BLK: variants seen among roughly 807,000 people sequenced by gnomAD.
The protein encoded by BLK is tyrosine-protein kinase Blk.
In BLK, 64 loss-of-function variants were observed where a neutral mutation model predicts 61.8. The observed-to-expected ratio is 1.03, with a 90% CI of 0.85 to 1.27. BLK has a LOEUF of 1.27. BLK is among the 50% of genes most tolerant of loss of function. The probability of loss-of-function intolerance (pLI) is 0.00; values close to 1 mark genes in which losing one functional copy is unlikely to be tolerated. For missense variants in BLK, 853 were observed against 660.5 expected, an observed-to-expected ratio of 1.29 and a Z score of -3.19; for synonymous variants, 351 against 272.0, an observed-to-expected ratio of 1.29 and a Z score of -2.86.
intron 1 of BLK, among the ~76,000 whole-genome samples, chr8:11,526,598 C>T (rs1018303467): frequency 1.3e-5 from 2 of 152,092 alleles, no homozygotes; most frequent in Non-Finnish European, 2.9e-5. Context: ...ACATGCCTGT[C>T]GTCCCAGCTA....
intron 1 of BLK, among the ~76,000 whole-genome samples, chr8:11,528,813 AGGTGGAAGG>A (rs147081341): frequency 0.017 from 2,598 of 152,298 alleles, 44 homozygotes; most frequent in African/African-American, 0.045. Context: ...AAGTGGATGG[AGGTGGAAGG>A]CATTATCCTC....
chr8:11,554,691 G>GT (rs1801104299), intron 6 of BLK, 52 bp from the exon 7 acceptor site: 5 of 1,605,068 alleles, frequency 3.1e-6, no homozygotes, highest in African/African-American at 2.7e-5. Context: ...TCCCAGTCCC[G>GT]TTTTTTGTCT....
chr8:11,502,285 GT>G (rs201804111), intron 1 of BLK, among the ~76,000 whole-genome samples: 32 of 151,226 alleles, frequency 2.1e-4, no homozygotes, highest in African/African-American at 3.2e-4. Context: ...ATTTTATATA[GT>G]TTTTTTTTCT....
intron 1 of BLK, among the ~76,000 whole-genome samples, chr8:11,518,426 G>T (rs531837136): frequency 6.6e-6 from 1 of 152,306 alleles, no homozygotes; most frequent in South Asian, 2.1e-4. Context: ...ACTGTAGGTG[G>T]ATTGGTGGGG....
At position 11,564,538 on chromosome 8, in the gene BLK, C is replaced by G. The variant is rs1457887503; in HGVS notation, c.*430C>G. On this transcript the variant is annotated 3_prime_UTR_variant, in exon 13 of 13. Coordinates refer to ENST00000259089, the MANE Select transcript of BLK (RefSeq NM_001715.3). ...TCCCGCGGACGCCAGCAGGGGCAGC[C>G]CCAGCCTAGGCTGCGCTCCAGCACT... 1 of 474,534 alleles carries G rather than the reference C, an allele frequency of 2.1e-6. No individual in the cohort carries two copies. The highest frequency in any genetic ancestry group is 2.3e-5 in the Admixed American group (1 of 42,944). 29.4% of individuals were successfully genotyped at this position (474,534 alleles called of 1,614,324 possible).
Position 11,555,411 on chromosome 8 carries a change from A to G in BLK, c.699A>G (p.Glu233=), listed in dbSNP as rs757191370. Residue 233 remains glutamate, a synonymous_variant, in exon 8 of 13, where the codon GAA becomes GAG. Transcript: ENST00000259089. ...CGCAGAATCCCTGGGCCCAGGATGA[A>G]TGGGAGATCCCCCGGCAGTCTCTCA... ...PAPQNPWAQD[E]WEIPRQSLRL... The G allele has an allele frequency of 6.2e-7, 1 of 1,614,130 alleles. No individual in the cohort carries two copies. Among genetic ancestry groups the G allele is most frequent in the Non-Finnish European group, 8.5e-7 (1 of 1,180,004 alleles).
chr8:11,563,777 G>A (rs1297545083), intron 12 of BLK, 126 bp from the exon 13 acceptor site: 1 of 886,810 alleles, frequency 1.1e-6, no homozygotes, highest in Non-Finnish European at 1.7e-6. Context: ...GGCTGGAGAA[G>A]TGGTCTGGGA....
chr8:11,510,168 C>G (rs1330322787), intron 1 of BLK, among the ~76,000 whole-genome samples: 1 of 152,210 alleles, frequency 6.6e-6, no homozygotes, highest in African/African-American at 2.4e-5. Context: ...TTCCTAATCC[C>G]TTCAAGGAAT....
At chr8:11,518,665 C>T (rs895732419) in intron 1 of BLK, among the ~76,000 whole-genome samples, 9 of 152,196 alleles carry the variant, frequency 5.9e-5, no homozygotes, top group African/African-American at 2.2e-4. Context: ...ACAACAGCTG[C>T]AGTGATCCCT....
At chr8:11,504,304 C>G (rs543103638) in intron 1 of BLK, among the ~76,000 whole-genome samples, 4 of 145,660 alleles carry the variant, frequency 2.7e-5, no homozygotes, top group Admixed American at 1.4e-4. Context: ...GCTTGAGCAA[C>G]AGAGCGAGAT....
intron 4 of BLK, 23 bp downstream of exon 4, chr8:11,548,148 C>T: frequency 1.9e-6 from 3 of 1,590,596 alleles, no homozygotes; most frequent in Non-Finnish European, 2.6e-6. Context: ...GACACCATCC[C>T]CTGTCCCTGC....
At chr8:11,546,978 G>A (rs1381323096) in intron 3 of BLK, among the ~76,000 whole-genome samples, 1 of 152,236 alleles carries the variant, frequency 6.6e-6, no homozygotes, top group Non-Finnish European at 1.5e-5. Flanking sequence ...ACTCCCAAGA[G>A]GGTGGCCTCC....
At chr8:11,541,367 T>C (rs1457593722) in intron 1 of BLK, among the ~76,000 whole-genome samples, 1 of 152,142 alleles carries the variant, frequency 6.6e-6, no homozygotes, top group Admixed American at 6.5e-5. Context: ...GATGTTTCAA[T>C]AACAGAAAAT....
At chr8:11,551,564 C>G (rs1305516580) in intron 6 of BLK, among the ~76,000 whole-genome samples, 1 of 152,192 alleles carries the variant, frequency 6.6e-6, no homozygotes, top group Non-Finnish European at 1.5e-5. Flanking sequence ...ATGATTCAAC[C>G]AGTAACAGAT....
intron 11 of BLK, among the ~76,000 whole-genome samples, chr8:11,561,707 G>A (rs574877923): frequency 1.3e-5 from 2 of 152,290 alleles, no homozygotes; most frequent in African/African-American, 4.8e-5. Context: ...CCTACTCCCT[G>A]TCTTGGAGAT....
At chr8:11,559,995 T>C in intron 10 of BLK, 1 of 366,350 alleles carries the variant, frequency 2.7e-6, no homozygotes, top group Non-Finnish European at 5.3e-6. Flanking sequence ...TCAATAAATA[T>C]TAGTTATCAG....
At chr8:11,513,696 G>C (rs1019173199) in intron 1 of BLK, among the ~76,000 whole-genome samples, 2 of 152,238 alleles carry the variant, frequency 1.3e-5, no homozygotes, top group Non-Finnish European at 2.9e-5. Context: ...AGGCCTTTGA[G>C]GCATTGCATT....
At chr8:11,560,759 C>G (rs538464792) in intron 10 of BLK, 1 of 434,300 alleles carries the variant, frequency 2.3e-6, no homozygotes, top group Non-Finnish European at 4.7e-6. Flanking sequence ...AAATCAACCT[C>G]GTCTAATGCT....
chr8:11,551,103 C>G (rs1368346681), intron 6 of BLK, among the ~76,000 whole-genome samples: 1 of 152,114 alleles, frequency 6.6e-6, no homozygotes, highest in African/African-American at 2.4e-5. Context: ...CATGTCTTGT[C>G]TGTTTTTTCA....
Sources: gnomAD v4.1 joint callset for allele counts (sites outside exome capture counted in the v4.1 genomes callset) on GRCh38, gnomAD v4.1.1 for gene constraint, MANE v1.5 for transcripts, NCBI Gene and HGNC (gene_info 2026-07-23, HGNC 2026-07-21) for gene names.